The following KRT73 variants were observed in gnomAD, a reference collection of about 807,000 sequenced individuals.
The protein encoded by KRT73 is keratin 73, also known as keratin, type II cytoskeletal 73.
KRT73 carries 44 observed loss-of-function variants against 47.2 expected under a neutral mutation model. The ratio of observed to expected loss-of-function variants is 0.93; its 90% CI spans 0.73 to 1.20. The LOEUF (loss-of-function observed/expected upper bound fraction) is 1.20, where lower values mean the gene tolerates loss of function less well. Among genes scored for constraint, KRT73 ranks in the 50% most tolerant of loss-of-function variants. The probability of loss-of-function intolerance (pLI) is 0.00; values close to 1 mark genes in which losing one functional copy is unlikely to be tolerated. For synonymous variants in KRT73, 285 were observed against 291.3 expected, an observed-to-expected ratio of 0.98 and a Z score of 0.22; for missense variants, 713 against 704.5, an observed-to-expected ratio of 1.01 and a Z score of -0.14.
In KRT73 at chr12:52,613,729, G is replaced by A. The variant is rs756808442; in HGVS notation, c.943C>T (p.Arg315Trp). 35 of 1,613,968 alleles carry A rather than the reference G, an allele frequency of 2.2e-5. No individual in the cohort carries two copies. The highest frequency in any genetic ancestry group is 8.8e-5 in the South Asian group (8 of 91,062). Residue 315 changes from arginine (R) to tryptophan (W), a missense_variant, in exon 5 of 9, where the codon CGG (arginine) becomes TGG (tryptophan). Physicochemically the swap from Arg to Trp is moderately radical, Grantham distance 101 (BLOSUM62 -3). Coordinates refer to ENST00000305748, the MANE Select transcript of KRT73 (RefSeq NM_175068.3). The part of the protein sequence containing the change: ...EVRAQYEEIA[R>W]KSKAEAEALY... Reference sequence around the variant, plus strand: ...GCCTCGGCCTCGGCCTTGCTCTTCCGGGCGATCTCCTCATACTGGGCACGG... The same window carrying A: ...GCCTCGGCCTCGGCCTTGCTCTTCCAGGCGATCTCCTCATACTGGGCACGG...
rs767936138 is a variant in KRT73, at chr12:52,616,206, G to A, written c.622C>T (p.Leu208=). Residue 208 remains leucine, a synonymous_variant, in exon 2 of 9, where the codon CTG becomes TTG. Coordinates refer to ENST00000305748, the MANE Select transcript of KRT73 (RefSeq NM_175068.3). ...SGDRVRLDSE[L]RSVREVVEDY... is the part of the protein sequence containing the mutation. Reference sequence around the variant, plus strand: ...TCCACCACTTCGCGCACGCTCCTCAGCTCCGAGTCCAGCCTCACCCTGTCC... The same window carrying A: ...TCCACCACTTCGCGCACGCTCCTCAACTCCGAGTCCAGCCTCACCCTGTCC... 8.1e-6 allele frequency: 13 copies of A among 1,614,114 alleles called. 1 individual carries two copies. In the South Asian group the frequency reaches 1.4e-4, roughly 18 times the overall value.
intron 7 of KRT73, chr12:52,610,254 T>G (rs1227737754): frequency 2.1e-5 from 6 of 284,522 alleles, no homozygotes; most frequent in Non-Finnish European, 3.4e-5. Flanking sequence ...TTTTGTATTT[T>G]TAGTAGAGAC....
intron 6 of KRT73, 85 bp downstream of exon 6, chr12:52,611,119 T>C: frequency 6.6e-7 from 1 of 1,519,712 alleles, no homozygotes; most frequent in Non-Finnish European, 9.0e-7. Flanking sequence ...CTGAAATGGA[T>C]GCTCAAGAGA....
the KRT73 span, among the ~76,000 whole-genome samples, chr12:52,623,706 C>A: frequency 1.3e-5 from 2 of 151,390 alleles, no homozygotes; most frequent in African/African-American, 4.9e-5. Flanking sequence ...AAATGAGAGA[C>A]GGTAAAGGAA....
At chr12:52,608,594 A>G (rs1305423639) in intron 8 of KRT73, 142 bp from the exon 9 acceptor site, 2 of 729,476 alleles carry the variant, frequency 2.7e-6, no homozygotes, top group Non-Finnish European at 4.3e-6. Flanking sequence ...ACTTGGGTTC[A>G]TTTGAGCAAC....
chr12:52,608,100 A>T lies in KRT73; in HGVS notation c.*96T>A. 5 of 1,311,914 alleles carry T rather than the reference A, an allele frequency of 3.8e-6. No homozygotes were observed. Among genetic ancestry groups the T allele is most frequent in the Non-Finnish European group, 5.3e-6 (5 of 951,030 alleles). 81.3% of individuals were successfully genotyped at this position (1,311,914 alleles called of 1,614,324 possible). A position where few individuals can be genotyped will look rare whatever the true frequency, so the allele number is the denominator to read the frequency against. ...TCCACAGCAAAGCAAAGCAAGAAGG[A>T]GATGAGGACAAATGAGACAGAGGAA... On this transcript the variant is annotated 3_prime_UTR_variant, in exon 9 of 9. Transcript: ENST00000305748.
At chr12:52,618,572 A>T, upstream of KRT73, 2 of 1,532,854 alleles carry the variant, frequency 1.3e-6, no homozygotes, top group Non-Finnish European at 1.8e-6. Context: ...CTTAGCTGAG[A>T]TGCAGTTCAC....
chr12:52,619,359 G>A (rs916540840), upstream of KRT73, among the ~76,000 whole-genome samples: 3 of 152,246 alleles, frequency 2.0e-5, no homozygotes, highest in African/African-American at 7.2e-5. Flanking sequence ...GGGGAATGGT[G>A]ATGATCCACA....
At chr12:52,615,168 A>C in intron 3 of KRT73, 111 bp downstream of exon 3, 2 of 852,312 alleles carry the variant, frequency 2.3e-6, no homozygotes, top group Non-Finnish European at 3.8e-6. Flanking sequence ...CTCCTCCTTC[A>C]GCACTTTGGC....
chr12:52,614,968 C>T (rs974102244), intron 3 of KRT73: 6 of 526,896 alleles, frequency 1.1e-5, no homozygotes, highest in African/African-American at 5.7e-5. Context: ...ACAGCCACGG[C>T]GATTTGCCAG....
rs61736103 is a variant in KRT73 at position 52,613,763 on chromosome 12, A to C, written c.909T>G (p.Ile303Met). 1 of 1,614,076 alleles carries C rather than the reference A, an allele frequency of 6.2e-7. No individual in the cohort carries two copies. Among genetic ancestry groups the C allele is most frequent in the Non-Finnish European group, 8.5e-7 (1 of 1,180,034 alleles). Residue 303 changes from isoleucine (I) to methionine (M), a missense_variant, in exon 5 of 9, where the codon ATT (isoleucine) becomes ATG (methionine). By Grantham distance (10) the Ile-to-Met change is conservative (BLOSUM62 1). Coordinates refer to ENST00000305748, the MANE Select transcript of KRT73 (RefSeq NM_175068.3). ...NNRNLDLDSI[I>M]AEVRAQYEEI... is the part of the protein sequence containing the mutation. ...CCTCATACTGGGCACGGACCTCAGCAATGATGCTGTCCAGGTCCAGGTTCC... is the reference window on the plus strand; with the variant it reads ...CCTCATACTGGGCACGGACCTCAGCCATGATGCTGTCCAGGTCCAGGTTCC...
chr12:52,613,622 C>T, intron 5 of KRT73, 66 bp downstream of exon 5: 1 of 1,590,926 alleles, frequency 6.3e-7, no homozygotes, highest in Non-Finnish European at 8.6e-7. Context: ...AGTCATGGGG[C>T]AGACAAGACA....
intron 8 of KRT73, 69 bp downstream of exon 8, chr12:52,609,178 G>A (rs1940644056): frequency 1.4e-6 from 2 of 1,409,164 alleles, no homozygotes; most frequent in South Asian, 1.2e-5. Context: ...GGGCTGGGCG[G>A]TGGACACCCA....
rs776002135 is a variant in KRT73 at position 52,608,242 on chromosome 12, C to T, written c.1577G>A (p.Gly526Glu). Residue 526 changes from glycine to glutamate, a missense_variant, in exon 9 of 9, where the codon GGA becomes GAA. Transcript: ENST00000305748. ...GGGTGAGCTTAGAGCTAAGGTCTTT[C>T]CCTGGGAGTCCCTGAATTCACTTGC... ...GSASEFRDSQ[G>E]KTLALSSPTK... The T allele has an allele frequency of 3.1e-6, 5 of 1,613,922 alleles. No homozygotes were observed. The highest frequency in any genetic ancestry group is 1.7e-6 in the Non-Finnish European group (2 of 1,179,968).
chr12:52,618,834 G>A (rs984546083), upstream of KRT73, among the ~76,000 whole-genome samples: 7 of 152,202 alleles, frequency 4.6e-5, no homozygotes, highest in African/African-American at 1.7e-4. Flanking sequence ...GAGGTTTGTC[G>A]CAGTCTCAAT....
At chr12:52,621,559 T>C (rs925402997), upstream of KRT73, among the ~76,000 whole-genome samples, 36 of 152,164 alleles carry the variant, frequency 2.4e-4, no homozygotes, top group Non-Finnish European at 5.1e-4. Flanking sequence ...GTCTCCTATA[T>C]TCCAGACTTG....
Position 52,615,268 on chromosome 12 carries a change from A to T in KRT73, c.723+11T>A. ...CTGGGGGACTGAAGGGAACCCATGC[A>T]CCCTCCTCACCTTCTTAAGCACCAC... is the stretch of plus-strand genomic sequence containing the variant. On this transcript the variant is annotated intron_variant, in intron 3 of 8. Transcript: ENST00000305748. The T allele has an allele frequency of 1.2e-6, 2 of 1,611,146 alleles. No individual in the cohort carries two copies. Among genetic ancestry groups the T allele is most frequent in the Non-Finnish European group, 1.7e-6 (2 of 1,177,820 alleles).
Position 52,613,490 on chromosome 12 carries a change from T to TC in KRT73, c.984+197dup. On this transcript the variant is annotated intron_variant, in intron 5 of 8. Transcript: ENST00000305748. ...CACCTGCACTCAGCTGAGTGCATCC[T>TC]CCAGGGGTGCTGTTGATCTAAGTGG... 4.0e-6 allele frequency: 4 copies of TC among 989,666 alleles called. 1 individual carries two copies. Among genetic ancestry groups the TC allele is most frequent in the South Asian group, 3.5e-5 (2 of 56,670 alleles). 61.3% of individuals were successfully genotyped at this position (989,666 alleles called of 1,614,324 possible). A position where few individuals can be genotyped will look rare whatever the true frequency, so the allele number is the denominator to read the frequency against.
the KRT73 span, among the ~76,000 whole-genome samples, chr12:52,630,693 C>A: frequency 2.6e-5 from 4 of 152,212 alleles, no homozygotes; most frequent in Non-Finnish European, 5.9e-5. Flanking sequence ...CCATCTGTTT[C>A]CTGAGGTTGG....
Sources: allele counts gnomAD v4.1 joint callset (sites outside exome capture counted in the v4.1 genomes callset), GRCh38; gene constraint gnomAD v4.1.1; transcripts MANE v1.5; gene names NCBI Gene and HGNC (gene_info 2026-07-23, HGNC 2026-07-21).